The following TCF4 variants were observed in gnomAD, a reference collection of about 807,000 sequenced individuals.
The protein encoded by TCF4 is transcription factor 4, also known as SL3-3 enhancer factor 2.
A neutral mutation model predicts 82.1 loss-of-function variants in TCF4; 3 were observed. That is an observed-to-expected ratio of 0.04 (90% CI 0.02 to 0.09). The LOEUF (loss-of-function observed/expected upper bound fraction) is 0.09. TCF4 is among the 10% of genes least tolerant of loss of function. The probability of loss-of-function intolerance (pLI) is 1.00; values close to 1 mark genes in which losing one functional copy is unlikely to be tolerated. For missense variants in TCF4, 518 were observed against 852.7 expected, an observed-to-expected ratio of 0.61 and a Z score of 4.89; for synonymous variants, 276 against 309.6, an observed-to-expected ratio of 0.89 and a Z score of 1.14.
At chr18:55,626,330 T>C (rs1216096457) in intron 2 of TCF4, among the ~76,000 whole-genome samples, 1 of 152,232 alleles carries the variant, frequency 6.6e-6, no homozygotes, top group African/African-American at 2.4e-5. Context: ...ATATTTTCCA[T>C]ATTCCCCAGC....
chr18:55,463,378 G>A (rs867641828), intron 4 of TCF4, among the ~76,000 whole-genome samples: 2 of 152,112 alleles, frequency 1.3e-5, no homozygotes, highest in Non-Finnish European at 2.9e-5. Context: ...CAAGAAACAC[G>A]TATTGCTTAA....
chr18:55,354,387 G>A (rs1001819288), intron 6 of TCF4, among the ~76,000 whole-genome samples: 1 of 152,152 alleles, frequency 6.6e-6, no homozygotes, highest in African/African-American at 2.4e-5. Flanking sequence ...GTCTCAGAAT[G>A]TCTTTCGAAC....
In TCF4 at chr18:55,588,042, C is replaced by G. The variant is rs1036721851; in HGVS notation, c.-25G>C. The G allele has an allele frequency of 3.1e-6, 3 of 982,954 alleles. No individual in the cohort carries two copies. Among genetic ancestry groups the G allele is most frequent in the African/African-American group, 1.8e-5 (1 of 56,924 alleles). The allele number at this position is 982,954 out of a possible 1,614,324, so 60.9% of individuals were successfully genotyped here. A position where few individuals can be genotyped will look rare whatever the true frequency, so the allele number is the denominator to read the frequency against. ...CCCGCAGGCGCCGGTACCTACCGCC[C>G]GCGCGCGAGAAGGGGCTCTCCGTGC... On this transcript the variant is annotated 5_prime_UTR_variant, in exon 1 of 20. Coordinates refer to ENST00000354452, the MANE Select transcript of TCF4 (RefSeq NM_001083962.2).
chr18:55,561,091 C>T (rs940330506), intron 3 of TCF4, among the ~76,000 whole-genome samples: 1 of 152,196 alleles, frequency 6.6e-6, no homozygotes, highest in African/African-American at 2.4e-5. Context: ...TTGTAAAGTT[C>T]ACAATTGCAC....
intron 11 of TCF4, chr18:55,264,833 T>C (rs1035368440): frequency 1.3e-5 from 2 of 152,168 alleles, no homozygotes; most frequent in African/African-American, 4.8e-5. Flanking sequence ...AAGAGAAATA[T>C]AATCAGTCCC....
chr18:55,442,463 CTT>C (rs1407217995), intron 5 of TCF4, among the ~76,000 whole-genome samples: 1 of 152,104 alleles, frequency 6.6e-6, no homozygotes, highest in Admixed American at 6.5e-5. Flanking sequence ...AAAAATATAA[CTT>C]TATTTTATTT....
At chr18:55,583,035 T>C (rs1229834727) in intron 3 of TCF4, among the ~76,000 whole-genome samples, 1 of 152,156 alleles carries the variant, frequency 6.6e-6, no homozygotes, top group African/African-American at 2.4e-5. Flanking sequence ...CAGCCCTGTG[T>C]TCAAATACTA....
intron 8 of TCF4, among the ~76,000 whole-genome samples, chr18:55,335,395 A>G (rs1235358423): frequency 2.0e-5 from 3 of 152,234 alleles, no homozygotes; most frequent in South Asian, 4.1e-4. Context: ...AAGCAAATAA[A>G]TGCTCCTGAG....
intron 8 of TCF4, among the ~76,000 whole-genome samples, chr18:55,344,726 C>T (rs906407438): frequency 1.3e-5 from 2 of 152,072 alleles, no homozygotes; most frequent in Admixed American, 6.6e-5. Flanking sequence ...ACATCAGGCA[C>T]CACTCCTTAG....
intron 3 of TCF4, among the ~76,000 whole-genome samples, chr18:55,508,636 T>G (rs1178953791): frequency 1.3e-5 from 2 of 152,190 alleles, no homozygotes; most frequent in Non-Finnish European, 2.9e-5. Flanking sequence ...AGGTTACAGG[T>G]AGTAAGTGGT....
chr18:55,354,760 T>C (rs972217395), intron 6 of TCF4, among the ~76,000 whole-genome samples: 1 of 152,164 alleles, frequency 6.6e-6, no homozygotes, highest in African/African-American at 2.4e-5. Flanking sequence ...TACTGCTTTT[T>C]TGGCTTATAA....
At chr18:55,501,166 A>C (rs2096695431) in intron 3 of TCF4, among the ~76,000 whole-genome samples, 1 of 152,218 alleles carries the variant, frequency 6.6e-6, no homozygotes, top group Non-Finnish European at 1.5e-5. Flanking sequence ...AAAGTGAAGC[A>C]ATAAACATCA....
At chr18:55,458,023 TGCAATAAAATAAAAC>T (rs2095799958) in intron 5 of TCF4, among the ~76,000 whole-genome samples, 1 of 152,068 alleles carries the variant, frequency 6.6e-6, no homozygotes, top group Non-Finnish European at 1.5e-5. Context: ...TTTCTTTCTT[TGCAATAAAATAAAAC>T]CTTACTAAAT....
intron 6 of TCF4, chr18:55,401,365 C>T: frequency 9.0e-7 from 1 of 1,115,068 alleles, no homozygotes; most frequent in African/African-American, 1.6e-5. Context: ...GACTCACAAC[C>T]ATGAAGCACA....
intron 6 of TCF4, among the ~76,000 whole-genome samples, chr18:55,364,758 T>C (rs571891478): frequency 1.3e-5 from 2 of 152,318 alleles, no homozygotes; most frequent in East Asian, 3.8e-4. Context: ...TCAAGGTCTA[T>C]GTATATGAGA....
chr18:55,517,721 G>A (rs1248894247), intron 3 of TCF4, among the ~76,000 whole-genome samples: 1 of 152,102 alleles, frequency 6.6e-6, no homozygotes, highest in Non-Finnish European at 1.5e-5. Context: ...TAAATCAAAT[G>A]TAAAACCCAG....
At chr18:55,314,041 G>T (rs766254575) in intron 8 of TCF4, among the ~76,000 whole-genome samples, 2 of 151,996 alleles carry the variant, frequency 1.3e-5, no homozygotes, top group African/African-American at 2.4e-5. Context: ...ACCCCATTTG[G>T]CTTAGGGAAG....
chr18:55,525,456 C>T (rs1603619025), intron 3 of TCF4, among the ~76,000 whole-genome samples: 1 of 152,100 alleles, frequency 6.6e-6, no homozygotes. Flanking sequence ...AATTCGAGGG[C>T]CATATTTGTG....
At position 55,587,112 on chromosome 18, in the gene TCF4, T is replaced by C. The variant is rs762916129; in HGVS notation, c.5A>G (p.His2Arg). M[H>R]HQQRMAALGT... ...TAAGGCAGCCATTCGCTGTTGGTGA[T>C]GCATTTTAGCAAAATCACACAAACC... The change falls in exon 2 of 20, where the codon CAT becomes CGT. Residue 2 changes from histidine (H) to arginine (R), a missense_variant. Coordinates refer to ENST00000354452, the MANE Select transcript of TCF4 (RefSeq NM_001083962.2). 1 of 1,613,316 alleles carries C rather than the reference T, an allele frequency of 6.2e-7. No individual in the cohort carries two copies. Among genetic ancestry groups the C allele is most frequent in the Non-Finnish European group, 8.5e-7 (1 of 1,179,888 alleles).
Sources: allele counts gnomAD v4.1 joint callset (sites outside exome capture counted in the v4.1 genomes callset), GRCh38; gene constraint gnomAD v4.1.1; transcripts MANE v1.5; gene names NCBI Gene and HGNC (gene_info 2026-07-23, HGNC 2026-07-21).